The following TARBP1 variants were observed in gnomAD, a reference collection of about 807,000 sequenced individuals.
TARBP1 encodes the protein tRNA guanosine 2 -O-methyltransferase TARBP1, also known as tRNA (guanosine(18)-2'-O)-methyltransferase TARBP1.
A neutral mutation model predicts 178.6 loss-of-function variants in TARBP1; 144 were observed. The ratio of observed to expected loss-of-function variants is 0.81; its 90% CI spans 0.70 to 0.93. The LOEUF (loss-of-function observed/expected upper bound fraction) is 0.93. Among genes scored for constraint, TARBP1 ranks in the 40% least tolerant of loss-of-function variants. The probability of loss-of-function intolerance (pLI) is 0.00; values close to 1 mark genes in which losing one functional copy is unlikely to be tolerated. For missense variants in TARBP1, 2,067 were observed against 2,011.7 expected (o/e 1.03, Z -0.53); for synonymous variants, 787 against 781.0 (o/e 1.01, Z -0.13).
At chr1:234,437,529 G>C (rs1034734822) in intron 12 of TARBP1, among the ~76,000 whole-genome samples, 157 bp from the exon 13 acceptor site, 2 of 152,214 alleles carry the variant, frequency 1.3e-5, no homozygotes, top group Non-Finnish European at 2.9e-5. Context: ...CATGGGGAAA[G>C]CTATACTTAA....
At chr1:234,425,647 GATA>G (rs201662657) in intron 20 of TARBP1, 23 bp downstream of exon 20, 2 of 1,598,060 alleles carry the variant, frequency 1.3e-6, no homozygotes, top group Non-Finnish European at 1.7e-6. Context: ...TAAAAACAAA[GATA>G]ATTTAAAGTA....
chr1:234,430,318 A>T lies in TARBP1; in HGVS notation c.2395-17T>A. 1 of 1,608,542 alleles carries T rather than the reference A, an allele frequency of 6.2e-7. No individual in the cohort carries two copies. The highest frequency in any genetic ancestry group is 8.5e-7 in the Non-Finnish European group (1 of 1,177,494). ...TGTTGGCTCCTGAAAAGGAAATGTG[A>T]CAATGTTTTATTTAATATGCACAAG... On this transcript the variant is annotated splice_polypyrimidine_tract_variant and intron_variant, in intron 14 of 29. Coordinates refer to ENST00000040877, the MANE Select transcript of TARBP1 (RefSeq NM_005646.4).
Position 234,445,660 on chromosome 1 carries a change from G to C in TARBP1, c.2134+1143C>G, listed in dbSNP as rs183498065. Reference sequence around the variant, plus strand: ...CTTCTTGAGGAATATCTATATATGCGCTAAAAATCCTTTTCTAAAATTCAT... The same window carrying C: ...CTTCTTGAGGAATATCTATATATGCCCTAAAAATCCTTTTCTAAAATTCAT... On this transcript the variant is annotated intron_variant, in intron 12 of 29. Transcript: ENST00000040877. Among the ~76,000 whole-genome samples, 25 of 152,098 alleles carry C rather than the reference G, an allele frequency of 1.6e-4. 1 individual carries two copies. The East Asian group carries it at 4.4e-3, about 27-fold the overall frequency.
At chr1:234,396,003 A>G (rs953413585) in intron 26 of TARBP1, among the ~76,000 whole-genome samples, 1 of 152,222 alleles carries the variant, frequency 6.6e-6, no homozygotes, top group African/African-American at 2.4e-5. Context: ...TATATGCATG[A>G]AAACGCCACA....
chr1:234,472,434 A>G (rs193055285), intron 2 of TARBP1, among the ~76,000 whole-genome samples: 1 of 151,864 alleles, frequency 6.6e-6, no homozygotes, highest in African/African-American at 2.4e-5. Context: ...TATACTTTAT[A>G]ATAAGCCATT....
At chr1:234,437,423 C>A in intron 12 of TARBP1, 51 bp from the exon 13 acceptor site, 1 of 854,560 alleles carries the variant, frequency 1.2e-6, no homozygotes, top group Non-Finnish European at 1.8e-6. Flanking sequence ...TTCTTTGGTA[C>A]AAAACACACC....
At chr1:234,472,568 A>G (rs892643717) in intron 2 of TARBP1, 146 bp downstream of exon 2, 8 of 559,262 alleles carry the variant, frequency 1.4e-5, no homozygotes, top group Non-Finnish European at 2.5e-5. Flanking sequence ...TCTAAGTTGC[A>G]TTTATGCCAG....
chr1:234,405,992 C>A lies in TARBP1; in HGVS notation c.3900G>T (p.Val1300=). ...ALVALKKLWT[V]CKVLSVEEFD... ...ATTCTTCAACACTTAACACTTTACA[C>A]ACAGTCCAGAGTTTCTTAAGAGCAA... Residue 1300 remains valine, a synonymous_variant, in exon 24 of 30, where the codon GTG becomes GTT. Transcript: ENST00000040877. The A allele has an allele frequency of 6.2e-7, 1 of 1,614,190 alleles. No homozygotes were observed. Among genetic ancestry groups the A allele is most frequent in the Non-Finnish European group, 8.5e-7 (1 of 1,180,016 alleles).
At position 234,429,764 on chromosome 1, in the gene TARBP1, T is replaced by TG. The variant is rs35706427; in HGVS notation, c.2610-88dup. On this transcript the variant is annotated intron_variant, in intron 15 of 29. Transcript: ENST00000040877. ...CGTAGCACACTATCCTTTCTAAAGG[T>TG]GGGGGGGGGGGGGCAGTGTACAGAT... is the stretch of plus-strand genomic sequence containing the variant. The TG allele has an allele frequency of 4.4e-4, 362 of 823,966 alleles. 1 individual carries two copies. Among genetic ancestry groups the TG allele is most frequent in the Non-Finnish European group, 5.0e-4 (273 of 549,922 alleles). 51.0% of individuals were successfully genotyped at this position (823,966 alleles called of 1,614,324 possible).
At chr1:234,428,133 G>A (rs1663993580) in intron 17 of TARBP1, among the ~76,000 whole-genome samples, 2 of 152,144 alleles carry the variant, frequency 1.3e-5, no homozygotes, top group African/African-American at 4.8e-5. Flanking sequence ...CTCTAACTAT[G>A]TACTGTGGGG....
At chr1:234,441,461 A>G (rs2103180826) in intron 12 of TARBP1, among the ~76,000 whole-genome samples, 1 of 152,376 alleles carries the variant, frequency 6.6e-6, no homozygotes, top group African/African-American at 2.4e-5. Context: ...TTGGCAAAGG[A>G]ATAAACACTT....
At chr1:234,477,909 T>C (rs912669222) in intron 1 of TARBP1, among the ~76,000 whole-genome samples, 1 of 152,174 alleles carries the variant, frequency 6.6e-6, no homozygotes, top group Non-Finnish European at 1.5e-5. Context: ...ACGGGCTCCA[T>C]TATCTTCCTA....
chr1:234,474,296 C>T (rs1484713653), intron 1 of TARBP1, among the ~76,000 whole-genome samples: 1 of 134,984 alleles, frequency 7.4e-6, no homozygotes, highest in Non-Finnish European at 1.5e-5. Context: ...ACAAAGGGGA[C>T]ATTTAAAAAA....
chr1:234,422,217 T>C (rs1663185675), intron 20 of TARBP1, among the ~76,000 whole-genome samples: 1 of 152,170 alleles, frequency 6.6e-6, no homozygotes, highest in African/African-American at 2.4e-5. Flanking sequence ...TAAAATTCCC[T>C]TTCAGCTCAA....
At chr1:234,393,936 T>A (rs1325271712) in intron 26 of TARBP1, 99 bp from the exon 27 acceptor site, 3 of 954,690 alleles carry the variant, frequency 3.1e-6, no homozygotes, top group Non-Finnish European at 4.4e-6. Context: ...GTGAAATAAT[T>A]TAGAATGAGA....
At chr1:234,424,092 A>G (rs1048473524) in intron 20 of TARBP1, among the ~76,000 whole-genome samples, 6 of 152,246 alleles carry the variant, frequency 3.9e-5, no homozygotes, top group African/African-American at 1.2e-4. Context: ...AAGGTTTTAT[A>G]TAATAAAGCT....
intron 9 of TARBP1, among the ~76,000 whole-genome samples, chr1:234,452,663 A>G (rs1666896668): frequency 6.6e-6 from 1 of 152,160 alleles, no homozygotes; most frequent in African/African-American, 2.4e-5. Context: ...CAATTTCTCT[A>G]AAACTAAACA....
chr1:234,471,884 C>T (rs898209791), intron 2 of TARBP1, among the ~76,000 whole-genome samples: 4 of 152,030 alleles, frequency 2.6e-5, no homozygotes, highest in African/African-American at 9.7e-5. Flanking sequence ...TATTTAAGTC[C>T]ACAAACAAGG....
rs1475438176 is a variant in TARBP1 at position 234,478,936 on chromosome 1, C to A, written c.168G>T (p.Ala56=). The change falls in exon 1 of 30, where the codon GCG becomes GCT. Residue 56 remains alanine (A), a synonymous_variant. Coordinates refer to ENST00000040877, the MANE Select transcript of TARBP1 (RefSeq NM_005646.4). ...CCACCTCGCGCGCCGCCTCCGGGAG[C>A]GCGCCTGCGCCCCCGCTGCCGCGCG... ...EEARGSGGAG[A]LPEAAREVAA... The A allele has an allele frequency of 2.1e-6, 3 of 1,441,072 alleles. No individual in the cohort carries two copies. Among genetic ancestry groups the A allele is most frequent in the Admixed American group, 5.6e-5 (2 of 35,490 alleles). The allele number at this position is 1,441,072 out of a possible 1,614,324, so 89.3% of individuals were successfully genotyped here.
Sources: allele counts gnomAD v4.1 joint callset (sites outside exome capture counted in the v4.1 genomes callset), GRCh38; gene constraint gnomAD v4.1.1; transcripts MANE v1.5; gene names NCBI Gene and HGNC (gene_info 2026-07-23, HGNC 2026-07-21).